ARMH3: variants seen among roughly 807,000 people sequenced by gnomAD.
The protein encoded by ARMH3 is armadillo-like helical domain-containing protein 3.
ARMH3 carries 60 observed loss-of-function variants against 99.1 expected under a neutral mutation model. That is an observed-to-expected ratio of 0.61 (90% CI 0.49 to 0.75). The LOEUF (loss-of-function observed/expected upper bound fraction) is 0.75. Among genes scored for constraint, ARMH3 ranks in the 30% least tolerant of loss-of-function variants. The pLI is 0.00. For missense variants in ARMH3, 679 were observed against 843.1 expected (o/e 0.81, Z 2.41); for synonymous variants, 285 against 292.8 (o/e 0.97, Z 0.27).
At chr10:101,880,216 G>T (rs774018503) in intron 24 of ARMH3, among the ~76,000 whole-genome samples, 4 of 152,224 alleles carry the variant, frequency 2.6e-5, no homozygotes, top group Non-Finnish European at 4.4e-5. Context: ...TGTCGTGGGA[G>T]TCTTACATCT....
chr10:101,872,719 T>C (rs551515182), intron 24 of ARMH3, among the ~76,000 whole-genome samples: 1 of 151,518 alleles, frequency 6.6e-6, no homozygotes, highest in Admixed American at 6.6e-5. Flanking sequence ...GCATTTTGGG[T>C]AGCCAAGGCA....
At chr10:101,957,216 T>C (rs1411685011) in intron 21 of ARMH3, among the ~76,000 whole-genome samples, 4 of 152,310 alleles carry the variant, frequency 2.6e-5, no homozygotes, top group East Asian at 3.9e-4. Context: ...CCTAAGAAGA[T>C]AGTCAAAATG....
At chr10:101,859,417 G>A (rs1589916480) in intron 24 of ARMH3, among the ~76,000 whole-genome samples, 1 of 152,166 alleles carries the variant, frequency 6.6e-6, no homozygotes, top group South Asian at 2.1e-4. Context: ...GACTCCATCA[G>A]GGCAATCACC....
At chr10:102,038,244 A>C (rs916919897) in intron 2 of ARMH3, among the ~76,000 whole-genome samples, 1 of 151,324 alleles carries the variant, frequency 6.6e-6, no homozygotes. Flanking sequence ...ACAGGCGCCC[A>C]CCACCATGCT....
intron 2 of ARMH3, among the ~76,000 whole-genome samples, chr10:102,035,914 G>A (rs938268767): frequency 6.6e-6 from 1 of 151,984 alleles, no homozygotes; most frequent in Non-Finnish European, 1.5e-5. Flanking sequence ...AGTCTGGGAA[G>A]TGAGGAGCGC....
chr10:101,905,695 A>G (rs780335471), intron 23 of ARMH3, among the ~76,000 whole-genome samples: 9 of 152,330 alleles, frequency 5.9e-5, no homozygotes, highest in Non-Finnish European at 8.8e-5. Flanking sequence ...GTAGGTTGGG[A>G]TCAAATGTCA....
At chr10:101,991,438 T>C (rs1846788918) in intron 18 of ARMH3, among the ~76,000 whole-genome samples, 1 of 152,094 alleles carries the variant, frequency 6.6e-6, no homozygotes, top group African/African-American at 2.4e-5. Context: ...TGGAGTGCAA[T>C]GCCGTGATCT....
At chr10:101,953,125 T>G (rs562839003) in intron 22 of ARMH3, among the ~76,000 whole-genome samples, 113 of 152,314 alleles carry the variant, frequency 7.4e-4, no homozygotes, top group Non-Finnish European at 1.5e-3. Context: ...AACTTTGGTG[T>G]GCACTGGTGT....
chr10:102,017,323 G>A (rs186756486), intron 8 of ARMH3, among the ~76,000 whole-genome samples: 111 of 152,250 alleles, frequency 7.3e-4, no homozygotes, highest in African/African-American at 1.3e-3. Context: ...CCACCAGCTC[G>A]CCCTTGCCCA....
intron 20 of ARMH3, among the ~76,000 whole-genome samples, chr10:101,961,440 C>T (rs1393102006): frequency 6.6e-6 from 1 of 152,046 alleles, no homozygotes; most frequent in Non-Finnish European, 1.5e-5. Context: ...AGCCAAGATC[C>T]CCTTTCTTTA....
At chr10:101,958,547 C>T (rs977784772) in intron 20 of ARMH3, among the ~76,000 whole-genome samples, 1 of 152,120 alleles carries the variant, frequency 6.6e-6, no homozygotes, top group Non-Finnish European at 1.5e-5. Context: ...GCTTCTCTGC[C>T]CATCTCAGAT....
At chr10:101,966,380 A>G (rs1845546132) in intron 20 of ARMH3, among the ~76,000 whole-genome samples, 1 of 143,432 alleles carries the variant, frequency 7.0e-6, no homozygotes. Context: ...GGGTTCAAGC[A>G]ATTCTTCTGC....
intron 22 of ARMH3, among the ~76,000 whole-genome samples, chr10:101,943,582 C>T (rs1014325267): frequency 3.3e-5 from 5 of 152,134 alleles, no homozygotes; most frequent in Non-Finnish European, 5.9e-5. Flanking sequence ...CAAAATCCAG[C>T]ATCCACATCA....
At chr10:101,864,887 T>A (rs12413739) in intron 24 of ARMH3, among the ~76,000 whole-genome samples, 31 of 151,450 alleles carry the variant, frequency 2.0e-4, no homozygotes, top group Middle Eastern at 3.4e-3. Flanking sequence ...AACTTAAATT[T>A]AAAAAAATCA....
intron 23 of ARMH3, among the ~76,000 whole-genome samples, chr10:101,935,622 C>T (rs1053773674): frequency 6.6e-6 from 1 of 152,174 alleles, no homozygotes; most frequent in African/African-American, 2.4e-5. Context: ...GAGCTATTGT[C>T]AACTGGCAAA....
rs556265100 is a variant in ARMH3, at chr10:101,955,997, A to AT, written c.1705+599dup. Among the ~76,000 whole-genome samples, 13 of 152,272 alleles carry AT rather than the reference A, an allele frequency of 8.5e-5. No homozygotes were observed. In the East Asian group the frequency reaches 2.5e-3, roughly 29 times the overall value. Reference sequence around the variant, plus strand: ...GGCTGTTTCTGTGCAATCTACAGAGATTTTTCCTTAACCTTTATACTACAG... The same window carrying AT: ...GGCTGTTTCTGTGCAATCTACAGAGATTTTTTCCTTAACCTTTATACTACAG... On this transcript the variant is annotated intron_variant, in intron 22 of 25. Transcript: ENST00000370033.
intron 23 of ARMH3, chr10:101,913,170 G>C (rs1380706286): frequency 6.6e-6 from 1 of 151,598 alleles, no homozygotes; most frequent in African/African-American, 2.4e-5. Context: ...AGTAGAGATG[G>C]GGGTCTCACT....
rs1020426274 is a variant in ARMH3 at position 102,035,984 on chromosome 10, G to A, written c.103-2645C>T. On this transcript the variant is annotated intron_variant, in intron 2 of 25. Transcript: ENST00000370033. ...GAGCGTCTCTGCCCAGCCGCCCATC[G>A]TCTGAGATGTGGGGAGCACCTCTGC... is the stretch of plus-strand genomic sequence containing the variant. Among the ~76,000 whole-genome samples the A allele has an allele frequency of 2.7e-5, 4 of 149,740 alleles. No homozygotes were observed. The East Asian group carries it at 7.9e-4, about 30-fold the overall frequency.
At chr10:101,978,148 G>A (rs1373698513) in intron 19 of ARMH3, among the ~76,000 whole-genome samples, 1 of 152,160 alleles carries the variant, frequency 6.6e-6, no homozygotes, top group African/African-American at 2.4e-5. Flanking sequence ...AATGAACATA[G>A]ATTTCATGCT....
Sources: gnomAD v4.1 joint callset for allele counts (sites outside exome capture counted in the v4.1 genomes callset) on GRCh38, gnomAD v4.1.1 for gene constraint, MANE v1.5 for transcripts, NCBI Gene and HGNC (gene_info 2026-07-23, HGNC 2026-07-21) for gene names.